Variants in CFAP47 observed in about 807,000 individuals in gnomAD.
The protein encoded by CFAP47 is cilia and flagella associated protein 47, also known as cilia- and flagella-associated protein 47.
A neutral mutation model predicts 148.1 loss-of-function variants in CFAP47; 29 were observed. That is an observed-to-expected ratio of 0.20 (90% CI 0.15 to 0.27). The LOEUF (loss-of-function observed/expected upper bound fraction) is 0.27, where lower values mean the gene tolerates loss of function less well. CFAP47 is among the 10% of genes least tolerant of loss of function. The pLI is 1.00. For synonymous variants in CFAP47, 664 were observed against 577.3 expected (o/e 1.15, Z -2.15); for missense variants, 1,872 against 1,697.5 (o/e 1.10, Z -1.81).
intron 8 of CFAP47, among the ~76,000 whole-genome samples, chrX:35,960,765 T>C (rs1246489181): frequency 9.0e-6 from 1 of 110,829 alleles, no homozygotes; most frequent in Non-Finnish European, 1.9e-5. Flanking sequence ...GGTAGTTTTT[T>C]GGTGGATTCT....
chrX:36,193,922 G>C, intron 42 of CFAP47, among the ~76,000 whole-genome samples: 1 of 111,368 alleles, frequency 9.0e-6, no homozygotes, highest in East Asian at 2.8e-4. Context: ...GGTACTATCA[G>C]ATAGACTGTA....
chrX:36,108,276 G>A (rs753631414), intron 33 of CFAP47, among the ~76,000 whole-genome samples: 3 of 110,600 alleles, frequency 2.7e-5, no homozygotes, highest in Admixed American at 9.7e-5. Context: ...ATATCCTCTT[G>A]TGGTTTTAAG....
chrX:36,374,921 G>A (rs149804604), intron 62 of CFAP47: 85 of 628,474 alleles, frequency 1.4e-4, no homozygotes, highest in African/African-American at 2.2e-4. Context: ...TTATTCTGCC[G>A]TTTTTCTAGA....
At chrX:36,197,530 A>AT (rs201689721) in intron 42 of CFAP47, among the ~76,000 whole-genome samples, 1 of 111,971 alleles carries the variant, frequency 8.9e-6, no homozygotes, top group Non-Finnish European at 1.9e-5. Flanking sequence ...TAACTGATGC[A>AT]TTTTTCCTCT....
At chrX:36,065,609 T>G (rs1296621081) in intron 26 of CFAP47, 34 bp from the exon 27 acceptor site, 1 of 898,570 alleles carries the variant, frequency 1.1e-6, no homozygotes, top group Non-Finnish European at 1.6e-6. Context: ...TCTGAAATTT[T>G]TATTGTATTG....
At chrX:36,381,193 C>T (rs1333618843) in intron 63 of CFAP47, among the ~76,000 whole-genome samples, 2 of 110,625 alleles carry the variant, frequency 1.8e-5, no homozygotes, top group Non-Finnish European at 3.8e-5. Context: ...CAACTTATGG[C>T]CAATTCTGCT....
rs145064790 is a variant in CFAP47 at position 36,266,411 on chromosome X, G to A, written c.7445-14076G>A. On this transcript the variant is annotated intron_variant, in intron 49 of 63. Coordinates refer to ENST00000378653, the MANE Select transcript of CFAP47 (RefSeq NM_001304548.2). Reference sequence around the variant, plus strand: ...CCATGGGCTGGAAGTGCTCCAGTGGGCACAGCATGGGCACTATTTGTAGGA... The same window carrying A: ...CCATGGGCTGGAAGTGCTCCAGTGGACACAGCATGGGCACTATTTGTAGGA... Among the ~76,000 whole-genome samples, 531 of 111,562 alleles carry A rather than the reference G, an allele frequency of 4.8e-3. 4 individuals carry two copies. The highest frequency in any genetic ancestry group is 0.016 in the African/African-American group (485 of 30,726).
At chrX:36,177,333 G>C (rs1939696703) in intron 39 of CFAP47, among the ~76,000 whole-genome samples, 1 of 111,842 alleles carries the variant, frequency 8.9e-6, no homozygotes. Flanking sequence ...CAAATTTTAT[G>C]ATCCTTGTGA....
At position 36,365,429 on chromosome X, in the gene CFAP47, A is replaced by G. The variant is rs782797505; in HGVS notation, c.9024-1537A>G. 5.4e-5 allele frequency among the ~76,000 whole-genome samples: 6 copies of G among 110,698 alleles called. No individual in the cohort carries two copies. The South Asian group carries it at 1.9e-3, about 36-fold the overall frequency. ...ATCTTAGAGGCATTTCTCCAGAGGA[A>G]AGTACCAATAGTGGAACTCCTAATT... On this transcript the variant is annotated intron_variant, in intron 61 of 63. Transcript: ENST00000378653.
At chrX:36,193,897 T>C (rs1371263538) in intron 42 of CFAP47, among the ~76,000 whole-genome samples, 1 of 111,590 alleles carries the variant, frequency 9.0e-6, no homozygotes, top group African/African-American at 3.3e-5. Context: ...GCTACTCTCT[T>C]GGTTCCTTAT....
chrX:36,374,918 G>T, intron 62 of CFAP47: 1 of 654,798 alleles, frequency 1.5e-6, no homozygotes, highest in Non-Finnish European at 2.5e-6. Context: ...AGATTATTCT[G>T]CCGTTTTTCT....
intron 57 of CFAP47, among the ~76,000 whole-genome samples, chrX:36,342,583 G>A (rs782043854): frequency 9.0e-6 from 1 of 111,094 alleles, no homozygotes; most frequent in Admixed American, 9.6e-5. Flanking sequence ...GAAATGCTAT[G>A]AAGCTAGCAT....
intron 40 of CFAP47, among the ~76,000 whole-genome samples, chrX:36,187,037 C>T (rs1215686454): frequency 4.5e-5 from 5 of 111,262 alleles, no homozygotes; most frequent in African/African-American, 1.6e-4. Context: ...TTTGGGACCC[C>T]GAAGTTTTGT....
chrX:36,054,292 C>T (rs933852630), intron 26 of CFAP47, among the ~76,000 whole-genome samples: 6 of 112,159 alleles, frequency 5.3e-5, no homozygotes, highest in Non-Finnish European at 1.1e-4. Context: ...CATTAGTTAT[C>T]CATAAGTGTT....
intron 26 of CFAP47, among the ~76,000 whole-genome samples, chrX:36,062,523 T>G (rs1433149608): frequency 8.9e-6 from 1 of 111,916 alleles, no homozygotes; most frequent in East Asian, 2.8e-4. Flanking sequence ...TTTTCACACC[T>G]TATTTAATGA....
At chrX:36,371,625 T>TA (rs1805018007) in intron 62 of CFAP47, among the ~76,000 whole-genome samples, 1 of 90,555 alleles carries the variant, frequency 1.1e-5, no homozygotes, top group Non-Finnish European at 2.2e-5. Flanking sequence ...ATGTGTAATA[T>TA]ATGTGTATAT....
At chrX:36,116,765 C>G (rs1031479162) in intron 33 of CFAP47, among the ~76,000 whole-genome samples, 28 of 111,849 alleles carry the variant, frequency 2.5e-4, no homozygotes, top group African/African-American at 8.4e-4. Context: ...CAATTATATT[C>G]TTAGAGTTAT....
intron 57 of CFAP47, among the ~76,000 whole-genome samples, chrX:36,344,680 AG>A (rs1394741224): frequency 8.9e-6 from 1 of 112,021 alleles, no homozygotes; most frequent in African/African-American, 3.2e-5. Flanking sequence ...ACTATCTAAA[AG>A]CCTAGGTTTA....
chrX:36,146,828 T>C (rs1939241372), intron 36 of CFAP47, among the ~76,000 whole-genome samples: 1 of 105,266 alleles, frequency 9.5e-6, no homozygotes. Flanking sequence ...TTGCCCAGGC[T>C]GGAGTGCAGT....
Sources: gnomAD v4.1 joint callset for allele counts (sites outside exome capture counted in the v4.1 genomes callset) on GRCh38, gnomAD v4.1.1 for gene constraint, MANE v1.5 for transcripts, NCBI Gene and HGNC (gene_info 2026-07-23, HGNC 2026-07-21) for gene names.